The following RGS6 variants were observed in gnomAD, a reference collection of about 807,000 sequenced individuals.
The protein encoded by RGS6 is regulator of G-protein signaling 6.
Under a neutral mutation model 78.5 loss-of-function variants are expected in RGS6, and 30 were observed. That is an observed-to-expected ratio of 0.38 (90% CI 0.29 to 0.52). The LOEUF (loss-of-function observed/expected upper bound fraction) is 0.52. RGS6 is among the 20% of genes least tolerant of loss of function. RGS6 has a pLI of 0.85. For missense variants in RGS6, 495 were observed against 609.7 expected (o/e 0.81, Z 1.98); for synonymous variants, 206 against 206.0 (o/e 1.00, Z 0.00).
intron 2 of RGS6, among the ~76,000 whole-genome samples, chr14:72,336,535 G>A (rs560125438): frequency 3.0e-4 from 44 of 146,256 alleles, no homozygotes; most frequent in African/African-American, 9.4e-4. Context: ...GAGAGAGAGA[G>A]CGCGCATAGG....
chr14:72,479,767 C>T (rs542967960), intron 12 of RGS6, among the ~76,000 whole-genome samples: 1 of 152,268 alleles, frequency 6.6e-6, no homozygotes, highest in Admixed American at 6.5e-5. Flanking sequence ...GGTTCCTTTG[C>T]CCCAGAAAGG....
intron 2 of RGS6, among the ~76,000 whole-genome samples, chr14:72,202,426 C>CT (rs1289198000): frequency 3.3e-5 from 5 of 152,162 alleles, no homozygotes; most frequent in African/African-American, 1.2e-4. Context: ...TGAGTCCATT[C>CT]TGCAAGGGGG....
At chr14:72,410,106 A>G (rs1190490598) in intron 3 of RGS6, among the ~76,000 whole-genome samples, 4 of 152,160 alleles carry the variant, frequency 2.6e-5, no homozygotes, top group Non-Finnish European at 4.4e-5. Flanking sequence ...GTCAAATGGT[A>G]TTTCTAGTTC....
chr14:72,448,542 T>C (rs563100897), intron 3 of RGS6, among the ~76,000 whole-genome samples: 1 of 152,166 alleles, frequency 6.6e-6, no homozygotes, highest in Non-Finnish European at 1.5e-5. Context: ...ATTGTCCTAC[T>C]TAGAATATCC....
At chr14:71,891,321 C>T in the RGS6 span, among the ~76,000 whole-genome samples, 10 of 152,254 alleles carry the variant, frequency 6.6e-5, no homozygotes, top group South Asian at 6.2e-4. Context: ...GCGGGAGCTA[C>T]GGTCATCTGA....
chr14:72,409,926 T>A (rs145160617), intron 3 of RGS6, among the ~76,000 whole-genome samples: 1 of 151,976 alleles, frequency 6.6e-6, no homozygotes, highest in African/African-American at 2.4e-5. Flanking sequence ...GTATTCCATG[T>A]TGTATATGTG....
chr14:72,558,633 G>A (rs998702326), intron 17 of RGS6, among the ~76,000 whole-genome samples: 3 of 152,122 alleles, frequency 2.0e-5, no homozygotes, highest in Admixed American at 6.5e-5. Flanking sequence ...CAGGCTCCTA[G>A]CCATCAAGAT....
rs1313982078 is a variant in RGS6, at chr14:72,565,450, G to C, written c.*2983G>C. ...AGCAGCAGGAACTCTCTGGGCTGGG[G>C]AGGAGCCTCCTGCCCTTCTAGAAAG... On this transcript the variant is annotated 3_prime_UTR_variant, in exon 18 of 18. Coordinates refer to ENST00000553525, the MANE Select transcript of RGS6 (RefSeq NM_001204424.2). The C allele has an allele frequency of 2.6e-5, 4 of 152,262 alleles. No homozygotes were observed. Among genetic ancestry groups the C allele is most frequent in the South Asian group, 2.1e-4 (1 of 4,840 alleles). 9.4% of individuals were successfully genotyped at this position (152,262 alleles called of 1,614,324 possible). A position where few individuals can be genotyped will look rare whatever the true frequency, so the allele number is the denominator to read the frequency against.
chr14:72,396,263 T>C (rs2091239276), intron 3 of RGS6, among the ~76,000 whole-genome samples: 1 of 152,248 alleles, frequency 6.6e-6, no homozygotes, highest in African/African-American at 2.4e-5. Context: ...ATTGTGGTTT[T>C]GATTTGCATT....
the RGS6 span, among the ~76,000 whole-genome samples, chr14:71,869,877 T>C: frequency 6.6e-6 from 1 of 152,172 alleles, no homozygotes; most frequent in East Asian, 1.9e-4. Context: ...GTGAGTCTGA[T>C]CACCTTTTAC....
At chr14:72,355,350 C>T (rs1596191580) in intron 3 of RGS6, among the ~76,000 whole-genome samples, 1 of 152,030 alleles carries the variant, frequency 6.6e-6, no homozygotes, top group South Asian at 2.1e-4. Context: ...TCCGCCACCA[C>T]ACCTGGCTAA....
chr14:72,121,223 C>A (rs1050901721), intron 2 of RGS6, among the ~76,000 whole-genome samples: 3 of 152,206 alleles, frequency 2.0e-5, no homozygotes, highest in Non-Finnish European at 4.4e-5. Context: ...TTTGACTCAG[C>A]TTTTAAACTT....
chr14:72,558,236 G>A (rs1330726502), intron 17 of RGS6, among the ~76,000 whole-genome samples: 1 of 152,086 alleles, frequency 6.6e-6, no homozygotes, highest in Admixed American at 6.6e-5. Context: ...TTCGGTCTTA[G>A]TTCATCTGAG....
At chr14:72,263,052 CA>C (rs1464373858) in intron 2 of RGS6, among the ~76,000 whole-genome samples, 3 of 152,164 alleles carry the variant, frequency 2.0e-5, no homozygotes, top group African/African-American at 7.2e-5. Context: ...TACATATTAG[CA>C]GCCTGGACCC....
chr14:72,337,509 A>G (rs772152909), intron 2 of RGS6, among the ~76,000 whole-genome samples: 1 of 152,016 alleles, frequency 6.6e-6, no homozygotes, highest in Non-Finnish European at 1.5e-5. Context: ...ATTTCTCCTG[A>G]TGACCAGGTA....
At chr14:72,369,269 G>A (rs2082995122) in intron 3 of RGS6, among the ~76,000 whole-genome samples, 1 of 152,162 alleles carries the variant, frequency 6.6e-6, no homozygotes, top group African/African-American at 2.4e-5. Flanking sequence ...AGGCCATATG[G>A]CCTCAGAGGC....
intron 2 of RGS6, among the ~76,000 whole-genome samples, chr14:72,029,948 T>A (rs1201564465): frequency 6.6e-6 from 1 of 152,198 alleles, no homozygotes; most frequent in Non-Finnish European, 1.5e-5. Context: ...GAACAGGAGT[T>A]TAAATTCTGA....
At chr14:72,612,877 C>T in the RGS6 span, among the ~76,000 whole-genome samples, 4 of 152,282 alleles carry the variant, frequency 2.6e-5, no homozygotes, top group East Asian at 7.7e-4. Flanking sequence ...AGGCTGAGAG[C>T]TGGAGGAGCA....
intron 13 of RGS6, among the ~76,000 whole-genome samples, chr14:72,505,605 T>C (rs1284027417): frequency 6.6e-6 from 1 of 152,252 alleles, no homozygotes; most frequent in Non-Finnish European, 1.5e-5. Context: ...AGATATTGAT[T>C]GAGGCAAATG....
Sources: allele counts gnomAD v4.1 joint callset (sites outside exome capture counted in the v4.1 genomes callset), GRCh38; gene constraint gnomAD v4.1.1; transcripts MANE v1.5; gene names NCBI Gene and HGNC (gene_info 2026-07-23, HGNC 2026-07-21).